OIP5: variants seen among roughly 807,000 people sequenced by gnomAD.
OIP5 encodes the protein protein Mis18-beta.
In OIP5, 24 loss-of-function variants were observed where a neutral mutation model predicts 20.3. The ratio of observed to expected loss-of-function variants is 1.18; its 90% CI spans 0.86 to 1.66. OIP5 has a LOEUF of 1.66. Ranked by LOEUF, OIP5 falls within the 40% of genes most tolerant of loss-of-function variation. The pLI is 0.00. For missense variants in OIP5, 339 were observed against 289.5 expected (o/e 1.17, Z -1.24); for synonymous variants, 143 against 121.3 (o/e 1.18, Z -1.17).
intron 2 of OIP5, among the ~76,000 whole-genome samples, chr15:41,324,596 T>C (rs1392865522): frequency 6.6e-6 from 1 of 151,122 alleles, no homozygotes; most frequent in Non-Finnish European, 1.5e-5. Flanking sequence ...TTCAAGCAAT[T>C]CTCCTGCCTC....
chr15:41,314,802 T>C (rs142931061), intron 3 of OIP5, among the ~76,000 whole-genome samples: 1,716 of 151,842 alleles, frequency 0.011, 27 homozygotes, highest in Non-Finnish European at 0.016. Context: ...CAGCTAATTT[T>C]TGTATTTTTA....
intron 2 of OIP5, among the ~76,000 whole-genome samples, chr15:41,331,387 A>C (rs996820953): frequency 6.6e-6 from 1 of 152,178 alleles, no homozygotes; most frequent in Admixed American, 6.5e-5. Context: ...AAAAGTTCTA[A>C]TATCAAGCGT....
intron 2 of OIP5, among the ~76,000 whole-genome samples, chr15:41,331,228 C>T (rs140473076): frequency 6.6e-6 from 1 of 152,206 alleles, no homozygotes; most frequent in Non-Finnish European, 1.5e-5. Context: ...TTTATTGTCA[C>T]TTGTAAATCA....
At chr15:41,322,830 G>A (rs1270838809) in intron 2 of OIP5, among the ~76,000 whole-genome samples, 1 of 152,064 alleles carries the variant, frequency 6.6e-6, no homozygotes, top group East Asian at 1.9e-4. Flanking sequence ...AGCTACTTAG[G>A]AGGGTGAGGC....
At chr15:41,310,271 T>G (rs963141283) in intron 4 of OIP5, among the ~76,000 whole-genome samples, 1 of 152,172 alleles carries the variant, frequency 6.6e-6, no homozygotes, top group Non-Finnish European at 1.5e-5. Flanking sequence ...CTAAATGCAT[T>G]TGAGGAATAA....
chr15:41,309,529 T>TA lies in OIP5; in HGVS notation c.*224dup. On this transcript the variant is annotated 3_prime_UTR_variant, in exon 5 of 5. Transcript: ENST00000220514. Reference sequence around the variant, plus strand: ...AAGTATTATGAATTCAATAAGAATCTAAAGTAAGTTCTTAAGGCAAATAGC... The same window carrying TA: ...AAGTATTATGAATTCAATAAGAATCTAAAAGTAAGTTCTTAAGGCAAATAGC... The TA allele has an allele frequency of 2.7e-6, 1 of 377,352 alleles. No individual in the cohort carries two copies. Among genetic ancestry groups the TA allele is most frequent in the Non-Finnish European group, 4.8e-6 (1 of 209,376 alleles). The allele number at this position is 377,352 out of a possible 1,614,324, so 23.4% of individuals were successfully genotyped here. A position where few individuals can be genotyped will look rare whatever the true frequency, so the allele number is the denominator to read the frequency against.
intron 2 of OIP5, among the ~76,000 whole-genome samples, chr15:41,326,803 T>C (rs1595503563): frequency 6.6e-6 from 1 of 152,186 alleles, no homozygotes; most frequent in African/African-American, 2.4e-5. Context: ...GTTGCCTTGC[T>C]CTGCCACTAA....
At chr15:41,316,646 C>T (rs1448198806) in intron 3 of OIP5, among the ~76,000 whole-genome samples, 1 of 151,668 alleles carries the variant, frequency 6.6e-6, no homozygotes, top group Non-Finnish European at 1.5e-5. Flanking sequence ...AAAAATTAGC[C>T]AAGCGTGGTG....
intron 2 of OIP5, among the ~76,000 whole-genome samples, chr15:41,326,947 T>C (rs2047865646): frequency 6.6e-6 from 1 of 152,078 alleles, no homozygotes; most frequent in Non-Finnish European, 1.5e-5. Flanking sequence ...ATCAGTAGAA[T>C]GAGGTCAACT....
At chr15:41,320,900 A>C (rs1264592034) in intron 2 of OIP5, among the ~76,000 whole-genome samples, 3 of 126,244 alleles carry the variant, frequency 2.4e-5, no homozygotes, top group Non-Finnish European at 3.3e-5. Flanking sequence ...CCGGCCTCCC[A>C]TGGTCTGAGA....
chr15:41,329,285 T>C (rs1019434580), intron 2 of OIP5, among the ~76,000 whole-genome samples: 7 of 150,376 alleles, frequency 4.7e-5, no homozygotes, highest in African/African-American at 1.5e-4. Flanking sequence ...ACTCCACAAA[T>C]ACAGAAACAC....
intron 2 of OIP5, among the ~76,000 whole-genome samples, chr15:41,331,170 C>G (rs10518717): frequency 0.18 from 27,069 of 152,122 alleles, 3,112 homozygotes; most frequent in Non-Finnish European, 0.25. Context: ...AATGTTAAAG[C>G]CAAAACTCAA....
intron 3 of OIP5, among the ~76,000 whole-genome samples, chr15:41,314,138 G>A (rs941942947): frequency 9.2e-5 from 14 of 151,980 alleles, no homozygotes; most frequent in Middle Eastern, 3.4e-3. Flanking sequence ...GTCTCGCTCT[G>A]TTGCCCAGAC....
intron 2 of OIP5, among the ~76,000 whole-genome samples, chr15:41,327,766 C>A (rs1303481752): frequency 6.6e-6 from 1 of 151,546 alleles, no homozygotes; most frequent in African/African-American, 2.4e-5. Flanking sequence ...TCAGCCTGGG[C>A]TACAGAGCAA....
chr15:41,321,649 T>A (rs2047829695), intron 2 of OIP5, among the ~76,000 whole-genome samples: 1 of 152,022 alleles, frequency 6.6e-6, no homozygotes, highest in African/African-American at 2.4e-5. Flanking sequence ...CTCTGAAACA[T>A]GTGCTGTGTC....
intron 3 of OIP5, among the ~76,000 whole-genome samples, chr15:41,315,909 C>G (rs2047786120): frequency 6.6e-6 from 1 of 151,960 alleles, no homozygotes; most frequent in South Asian, 2.1e-4. Flanking sequence ...CTTTAGGTGG[C>G]CAAGGCAGGA....
Position 41,318,248 on chromosome 15 carries a change from C to T in OIP5, c.512+1410G>A, listed in dbSNP as rs1401789389. Among the ~76,000 whole-genome samples the T allele has an allele frequency of 5.3e-5, 8 of 152,134 alleles. No homozygotes were observed. In the South Asian group the frequency reaches 6.2e-4, roughly 12 times the overall value. ...CTTGATCTTGGCTCACTGCAACCTC[C>T]GCCTCCTGGGTTCAAGCAATTCTTC... On this transcript the variant is annotated intron_variant, in intron 3 of 4. Transcript: ENST00000220514.
chr15:41,332,424 C>T lies in OIP5; in HGVS notation c.138G>A (p.Gly46=), dbSNP rs74012264. 2.2e-3 allele frequency: 3,541 copies of T among 1,614,046 alleles called. 87 individuals are homozygous for T. In the African/African-American group the frequency reaches 0.044, roughly 20 times the overall value. ...GCCCTGCGGGGCCGAGCGGCGAGGA[C>T]CCCTTCACCACCTGCGTATCCCACT... The part of the protein sequence containing the change: ...SMEWDTQVVK[G]SSPLGPAGLG... Residue 46 remains glycine (G), a synonymous_variant, in exon 1 of 5, where the codon GGG becomes GGA. Transcript: ENST00000220514.
intron 4 of OIP5, among the ~76,000 whole-genome samples, chr15:41,311,086 C>A (rs377549622): frequency 4.9e-4 from 75 of 152,210 alleles, no homozygotes; most frequent in African/African-American, 1.7e-3. Flanking sequence ...GAAGCAGAAG[C>A]ACTTGAACCT....
Sources: gnomAD v4.1 joint callset for allele counts (sites outside exome capture counted in the v4.1 genomes callset) on GRCh38, gnomAD v4.1.1 for gene constraint, MANE v1.5 for transcripts, NCBI Gene and HGNC (gene_info 2026-07-23, HGNC 2026-07-21) for gene names.